Variants in GET1 observed in about 807,000 individuals in gnomAD.
GET1 encodes guided entry of tail-anchored proteins factor 1, also known as congenital heart disease 5 protein.
A neutral mutation model predicts 22.6 loss-of-function variants in GET1; 20 were observed. The ratio of observed to expected loss-of-function variants is 0.89; its 90% CI spans 0.62 to 1.29. GET1 has a LOEUF of 1.29. GET1 is among the 50% of genes most tolerant of loss of function. GET1 has a pLI of 0.00. For missense variants in GET1, 209 were observed against 219.9 expected (o/e 0.95, Z 0.31); for synonymous variants, 92 against 83.8 (o/e 1.10, Z -0.53).
chr21:39,382,945 T>C (rs1201240375), intron 1 of GET1, among the ~76,000 whole-genome samples: 1 of 152,092 alleles, frequency 6.6e-6, no homozygotes, highest in Non-Finnish European at 1.5e-5. Context: ...ATTCTTTTTA[T>C]TTTTTTATTT....
Position 39,383,291 on chromosome 21 carries a change from TA to T in GET1, c.102+2806del, listed in dbSNP as rs1417798119. 3.5e-4 allele frequency among the ~76,000 whole-genome samples: 52 copies of T among 149,426 alleles called. No homozygotes were observed. In the Middle Eastern group the frequency reaches 0.018, roughly 52 times the overall value. On this transcript the variant is annotated intron_variant, in intron 1 of 4. Transcript: ENST00000649170. ...TATTATTTATTTTATTTTGTTTATT[TA>T]TTTTTTGAGACAGAGTCTTGCTCTT...
chr21:39,406,484 T>C, exon 5 of GET1: 1 of 1,613,978 alleles, frequency 6.2e-7, no homozygotes, highest in Non-Finnish European at 8.5e-7. Context: ...TCAATTATTT[T>C]TGGTGGTAGT....
chr21:39,402,705 A>C (rs1344081029), downstream of GET1, among the ~76,000 whole-genome samples: 5 of 152,190 alleles, frequency 3.3e-5, no homozygotes, highest in Non-Finnish European at 5.9e-5. Flanking sequence ...AGAGTGTTGG[A>C]GTACCTTCTC....
At chr21:39,423,205 T>C (rs763156713) in intron 1 of GET1, 27 of 1,612,546 alleles carry the variant, frequency 1.7e-5, no homozygotes, top group Non-Finnish European at 1.7e-5. Flanking sequence ...TTCATTCTGA[T>C]GTTTAGCCAT....
intron 1 of GET1, chr21:39,426,010 A>T (rs891019731): frequency 2.0e-5 from 3 of 152,292 alleles, no homozygotes; most frequent in African/African-American, 7.2e-5. Flanking sequence ...CCTTTTAAAG[A>T]TCATATGGCT....
At chr21:39,426,259 T>C (rs2074685662) in intron 1 of GET1, among the ~76,000 whole-genome samples, 1 of 152,174 alleles carries the variant, frequency 6.6e-6, no homozygotes, top group Non-Finnish European at 1.5e-5. Context: ...AAATTCATAC[T>C]GTATCCATCA....
Position 39,414,713 on chromosome 21 carries a change from CCTCTCT to C in GET1, c.*23+3801_*23+3806del, listed in dbSNP as rs147915021. Among the ~76,000 whole-genome samples, 114 of 119,952 alleles carry C rather than the reference CCTCTCT, an allele frequency of 9.5e-4. 1 individual carries two copies. Among genetic ancestry groups the C allele is most frequent in the Admixed American group, 2.4e-3 (27 of 11,156 alleles). The allele number at this position is 119,952 out of a possible 152,430, so 78.7% of individuals were successfully genotyped here. On this transcript the variant is annotated intron_variant, in intron 1 of 1. Coordinates refer to the GET1 transcript ENST00000478273. ...AGTACTGCATCTGTCTGGTTCTCTC[CCTCTCT>C]CTCTCTCTCTCTCTCTCTCTCTCTG...
intron 1 of GET1, chr21:39,411,824 AT>A: frequency 1.5e-6 from 2 of 1,377,666 alleles, no homozygotes; most frequent in South Asian, 1.3e-5. Context: ...CACAAAACCA[AT>A]TTTTCTATAA....
intron 1 of GET1, among the ~76,000 whole-genome samples, chr21:39,384,312 AGTGGCGCT>A (rs2037746232): frequency 6.6e-6 from 1 of 151,938 alleles, no homozygotes; most frequent in African/African-American, 2.4e-5. Context: ...GCTGGAGTGC[AGTGGCGCT>A]ATCTCGGCTC....
downstream of GET1, chr21:39,408,562 G>C (rs970619610): frequency 1.3e-5 from 2 of 152,308 alleles, no homozygotes; most frequent in Non-Finnish European, 2.9e-5. Flanking sequence ...GGCCTGTCTT[G>C]CCCATGGCTG....
intron 1 of GET1, among the ~76,000 whole-genome samples, chr21:39,415,646 C>G (rs2041000724): frequency 6.6e-6 from 1 of 152,178 alleles, no homozygotes; most frequent in South Asian, 2.1e-4. Flanking sequence ...TAACATTTTC[C>G]CCATTTTCTA....
downstream of GET1, among the ~76,000 whole-genome samples, chr21:39,402,187 C>T (rs2038856968): frequency 6.6e-6 from 1 of 151,916 alleles, no homozygotes; most frequent in Non-Finnish European, 1.5e-5. Flanking sequence ...CACAGCAACC[C>T]CTGCCTCCTG....
At chr21:39,387,099 A>G (rs922039496) in intron 1 of GET1, among the ~76,000 whole-genome samples, 2 of 152,124 alleles carry the variant, frequency 1.3e-5, no homozygotes, top group Non-Finnish European at 2.9e-5. Flanking sequence ...GGCTCAAACG[A>G]TCTTCCCGCG....
At chr21:39,410,903 G>A, downstream of GET1, 1 of 471,206 alleles carries the variant, frequency 2.1e-6, no homozygotes, top group Non-Finnish European at 4.4e-6. Flanking sequence ...GCATCTGGAA[G>A]TAAACATGTA....
chr21:39,411,344 T>G (rs2040058799), downstream of GET1, among the ~76,000 whole-genome samples: 1 of 152,198 alleles, frequency 6.6e-6, no homozygotes, highest in Non-Finnish European at 1.5e-5. Context: ...CGTGCACACT[T>G]AAAATGGATG....
At chr21:39,384,898 GT>G (rs1007011628) in intron 1 of GET1, among the ~76,000 whole-genome samples, 2 of 152,082 alleles carry the variant, frequency 1.3e-5, no homozygotes, top group African/African-American at 4.8e-5. Flanking sequence ...AACACTTGTT[GT>G]TAGCCAGGTT....
At chr21:39,422,622 C>T (rs2073953728) in intron 1 of GET1, 1 of 363,840 alleles carries the variant, frequency 2.7e-6, no homozygotes, top group African/African-American at 2.1e-5. Flanking sequence ...GGGTTGACTT[C>T]AAAGAGAGGT....
At chr21:39,421,882 G>T (rs138122030) in intron 1 of GET1, 3 of 152,214 alleles carry the variant, frequency 2.0e-5, no homozygotes, top group Non-Finnish European at 4.4e-5. Context: ...TTGTATCAAA[G>T]AAAATAGTTA....
downstream of GET1, among the ~76,000 whole-genome samples, chr21:39,408,862 G>C (rs1043394550): frequency 1.3e-5 from 2 of 152,180 alleles, no homozygotes; most frequent in Admixed American, 1.3e-4. Flanking sequence ...GCTGAAGCTG[G>C]GGTCCTTTTT....
Sources: gnomAD v4.1 joint callset for allele counts (sites outside exome capture counted in the v4.1 genomes callset) on GRCh38, gnomAD v4.1.1 for gene constraint, MANE v1.5 for transcripts, NCBI Gene and HGNC (gene_info 2026-07-23, HGNC 2026-07-21) for gene names.